NFIX: variants seen among roughly 807,000 people sequenced by gnomAD.
The protein encoded by NFIX is nuclear factor 1 X-type.
NFIX carries 2 observed loss-of-function variants against 53.3 expected under a neutral mutation model. The observed-to-expected ratio is 0.04, with a 90% CI of 0.02 to 0.12. The LOEUF is 0.12. NFIX is among the 10% of genes least tolerant of loss of function. NFIX has a pLI of 1.00. For synonymous variants in NFIX, 244 were observed against 289.0 expected (o/e 0.84, Z 1.58); for missense variants, 310 against 674.5 (o/e 0.46, Z 5.99).
chr19:13,075,453 C>T, intron 5 of NFIX, 82 bp from the exon 6 acceptor site: 2 of 1,504,784 alleles, frequency 1.3e-6, no homozygotes, highest in Admixed American at 1.9e-5. Flanking sequence ...CATCTATGCA[C>T]AGTTCTTTAG....
intron 6 of NFIX, among the ~76,000 whole-genome samples, chr19:13,076,157 C>G (rs1488282344): frequency 6.6e-6 from 1 of 152,190 alleles, no homozygotes; most frequent in African/African-American, 2.4e-5. Context: ...AAAAACGCCT[C>G]CAGACATTGT....
At chr19:13,039,174 A>G (rs1295791172) in intron 2 of NFIX, among the ~76,000 whole-genome samples, 1 of 151,940 alleles carries the variant, frequency 6.6e-6, no homozygotes, top group Non-Finnish European at 1.5e-5. Flanking sequence ...CAGCACACAA[A>G]TCTCTGGGCA....
In NFIX at chr19:13,026,742, C is replaced by CTGTG. The variant is rs201556216; in HGVS notation, c.559+1191_559+1192insGTGT. Among the ~76,000 whole-genome samples, 94 of 146,520 alleles carry CTGTG rather than the reference C, an allele frequency of 6.4e-4. 1 individual carries two copies. Among genetic ancestry groups the CTGTG allele is most frequent in the African/African-American group, 2.4e-3 (92 of 38,742 alleles). The stretch of plus-strand genomic sequence containing the variant: ...CAAACCTTTCTCTCTCTCTCTCTCT[C>CTGTG]TCTGTGTGTGTGTGTGTGTGTGTGT... On this transcript the variant is annotated intron_variant, in intron 2 of 10. Coordinates refer to ENST00000592199, the MANE Select transcript of NFIX (RefSeq NM_001365902.3).
intron 2 of NFIX, among the ~76,000 whole-genome samples, chr19:13,065,717 G>C (rs1337129543): frequency 6.6e-6 from 1 of 152,130 alleles, no homozygotes; most frequent in East Asian, 1.9e-4. Context: ...TGAGCATTCA[G>C]TTCCCCAGTG....
intron 2 of NFIX, among the ~76,000 whole-genome samples, chr19:13,061,084 C>A (rs116360336): frequency 0.13 from 10,210 of 75,748 alleles, 953 homozygotes; most frequent in African/African-American, 0.3. Flanking sequence ...GGCCTTAGAC[C>A]CCCCCCTCCC....
At chr19:13,065,876 GC>G (rs1337048553) in intron 2 of NFIX, among the ~76,000 whole-genome samples, 1 of 152,184 alleles carries the variant, frequency 6.6e-6, no homozygotes, top group African/African-American at 2.4e-5. Flanking sequence ...GGGGCCACTT[GC>G]TGGGGATGGA....
At chr19:13,034,313 C>T (rs1284560196) in intron 2 of NFIX, among the ~76,000 whole-genome samples, 1 of 152,250 alleles carries the variant, frequency 6.6e-6, no homozygotes, top group Non-Finnish European at 1.5e-5. Context: ...TGTCCTGACA[C>T]TGGCCTCCCT....
chr19:13,075,543 A>G lies in NFIX; in HGVS notation c.827A>G (p.Lys276Arg). 6.2e-7 allele frequency: 1 copy of G among 1,613,494 alleles called. No individual in the cohort carries two copies. The highest frequency in any genetic ancestry group is 2.2e-5 in the East Asian group (1 of 44,864). Residue 276 changes from lysine to arginine, a missense_variant, in exon 6 of 11, where the codon AAG becomes AGG. Coordinates refer to ENST00000592199, the MANE Select transcript of NFIX (RefSeq NM_001365902.3). Reference protein sequence around the residue: ...ITSPPSTSTTKRPKSIDDSEM... With the variant: ...ITSPPSTSTTRRPKSIDDSEM... The stretch of plus-strand genomic sequence containing the variant: ...CTTTCTTTCTTCCCCAGCACCACCA[A>G]GCGCCCCAAGTCCATCGATGACAGT...
rs977619710 is a variant in NFIX, at chr19:13,088,287, A to G, written c.1402+151A>G. On this transcript the variant is annotated intron_variant, in intron 9 of 10. Transcript: ENST00000592199. The surrounding 1 kb of genome is among the most constrained non-coding windows in gnomAD (Gnocchi z 5.9). The stretch of plus-strand genomic sequence containing the variant: ...GACAAGAGCAGAGCCGAGCCCCCCA[A>G]CCACAGCCTCCCTCCCGGGCCTCAG... Among the ~76,000 whole-genome samples the G allele has an allele frequency of 6.6e-6, 1 of 150,792 alleles. No homozygotes were observed. Among genetic ancestry groups the G allele is most frequent in the Admixed American group, 6.6e-5 (1 of 15,170 alleles).
chr19:13,083,684 G>C (rs532557447), intron 8 of NFIX, among the ~76,000 whole-genome samples: 1 of 152,304 alleles, frequency 6.6e-6, no homozygotes, highest in East Asian at 1.9e-4. Context: ...GCCCAGCTGG[G>C]GAGCAACTTC....
intron 1 of NFIX, among the ~76,000 whole-genome samples, chr19:13,000,990 A>T (rs2011663019): frequency 6.6e-6 from 1 of 152,138 alleles, no homozygotes; most frequent in Non-Finnish European, 1.5e-5. Context: ...CCCCACCCCC[A>T]TGAAGCTGGA....
At chr19:13,091,818 C>T (rs1236985475) in intron 10 of NFIX, among the ~76,000 whole-genome samples, 1 of 152,248 alleles carries the variant, frequency 6.6e-6, no homozygotes, top group Non-Finnish European at 1.5e-5. Context: ...CACAGCTCTG[C>T]GGTCGTGCGC....
At chr19:13,055,070 C>T (rs73006837) in intron 2 of NFIX, among the ~76,000 whole-genome samples, 19,202 of 151,648 alleles carry the variant, frequency 0.13, 1,563 homozygotes, top group Middle Eastern at 0.32. Flanking sequence ...CTCTCTCCCC[C>T]GCTCTCCTAA....
chr19:13,025,528 C>G lies in NFIX; in HGVS notation c.535C>G (p.Leu179Val). 6.2e-7 allele frequency: 1 copy of G among 1,613,204 alleles called. No individual in the cohort carries two copies. The highest frequency in any genetic ancestry group is 8.5e-7 in the Non-Finnish European group (1 of 1,179,510). The change falls in exon 2 of 11, where the codon CTG becomes GTG. Residue 179 changes from leucine (L) to valine (V), a missense_variant. Leu to Val is a conservative substitution (Grantham distance 32). Around this residue, in one of 5 missense-constraint regions of NFIX, gnomAD observed 164 missense variants for 284.4 expected, o/e 0.58. Transcript: ENST00000592199. This position sits in a 1 kb window ranked among gnomAD's most constrained non-coding sequence, Gnocchi z 7.5. ...CACAATCAAAGAACTGGATCTTTAT[C>G]TGGCTTACTTTGTCCACACTCCGGG... ...GVTIKELDLY[L>V]AYFVHTPESG...
At chr19:13,069,357 G>A (rs541018776) in intron 2 of NFIX, among the ~76,000 whole-genome samples, 2 of 152,310 alleles carry the variant, frequency 1.3e-5, no homozygotes, top group East Asian at 3.9e-4. Context: ...GACAGTCCTC[G>A]GGGGTGTCGG....
At position 12,996,575 on chromosome 19, in the gene NFIX, C is replaced by T. The variant is rs896749426; in HGVS notation, c.27+711C>T. ...AGCGGTGGCCGCGCCTCTCCGACCC[C>T]GGACGTCGCAGCCTCTGCCCCCCCA... is the stretch of plus-strand genomic sequence containing the variant. On this transcript the variant is annotated intron_variant, in intron 1 of 10. Coordinates refer to ENST00000592199, the MANE Select transcript of NFIX (RefSeq NM_001365902.3). The surrounding 1 kb of genome is among the most constrained non-coding windows in gnomAD (Gnocchi z 5.2). 1.3e-5 allele frequency among the ~76,000 whole-genome samples: 2 copies of T among 152,200 alleles called. No individual in the cohort carries two copies. Among genetic ancestry groups the T allele is most frequent in the Non-Finnish European group, 2.9e-5 (2 of 68,022 alleles).
chr19:13,003,450 C>G (rs1281986221), intron 1 of NFIX, among the ~76,000 whole-genome samples: 1 of 152,118 alleles, frequency 6.6e-6, no homozygotes, highest in Non-Finnish European at 1.5e-5. Context: ...ACACACAGCA[C>G]ACACACTCAG....
chr19:13,065,401 C>G (rs941109866), intron 2 of NFIX, among the ~76,000 whole-genome samples: 5 of 152,224 alleles, frequency 3.3e-5, no homozygotes, highest in Admixed American at 6.5e-5. Context: ...CTGAAACACC[C>G]CAGACAGTGC....
intron 1 of NFIX, among the ~76,000 whole-genome samples, chr19:13,017,071 C>G (rs1398449899): frequency 6.6e-6 from 1 of 152,250 alleles, no homozygotes; most frequent in East Asian, 1.9e-4. Context: ...TTGGGTCTGT[C>G]GCCCACAGTT....
Sources: gnomAD v4.1 joint callset for allele counts (sites outside exome capture counted in the v4.1 genomes callset) on GRCh38, gnomAD v4.1.1 for gene constraint, gnomAD v4.1.1 regional missense constraint, Gnocchi (gnomAD v3.1) non-coding constraint, MANE v1.5 for transcripts, NCBI Gene and HGNC (gene_info 2026-07-23, HGNC 2026-07-21) for gene names.